Variants in WASL observed in about 807,000 individuals in gnomAD.
WASL encodes actin nucleation-promoting factor WASL.
WASL carries 20 observed loss-of-function variants against 55.5 expected under a neutral mutation model. That is an observed-to-expected ratio of 0.36 (90% confidence interval 0.25 to 0.52). The LOEUF is 0.52. Among genes scored for constraint, WASL ranks in the 20% least tolerant of loss-of-function variants. The pLI, the probability that WASL is intolerant of heterozygous loss-of-function variation, is 0.92. For synonymous variants in WASL, 249 were observed against 217.6 expected, an observed-to-expected ratio of 1.14 and a Z score of -1.27; for missense variants, 504 against 622.5, an observed-to-expected ratio of 0.81 and a Z score of 2.03.
intron 9 of WASL, 152 bp from the exon 10 acceptor site, chr7:123,689,302 C>G: frequency 1.7e-6 from 1 of 583,788 alleles, no homozygotes; most frequent in Non-Finnish European, 3.0e-6. Flanking sequence ...ATCAAATTAA[C>G]AAGAAATAAA....
chr7:123,683,637 T>C lies in WASL; in HGVS notation c.*882A>G, dbSNP rs1251266969. On this transcript the variant is annotated 3_prime_UTR_variant, in exon 11 of 11. Transcript: ENST00000223023. The stretch of plus-strand genomic sequence containing the variant: ...AAAATTCTACAGTATTTTAGTACTA[T>C]TCTGATTTGTATAGTTTTTTTAACC... 6.6e-6 allele frequency: 1 copy of C among 152,076 alleles called. No homozygotes were observed. The highest frequency in any genetic ancestry group is 1.5e-5 in the Non-Finnish European group (1 of 67,958). 9.4% of individuals were successfully genotyped at this position (152,076 alleles called of 1,614,324 possible).
rs1343268417 is a variant in WASL at position 123,692,876 on chromosome 7, C to T, written c.827-9G>A. On this transcript the variant is annotated splice_polypyrimidine_tract_variant and intron_variant, in intron 8 of 10. Coordinates refer to ENST00000223023, the MANE Select transcript of WASL (RefSeq NM_003941.4). The stretch of plus-strand genomic sequence containing the variant: ...TGGTGGAGGTGGTGGTGCTGAAATG[C>T]AAACAGAAAAAAAGAAGGCATGCTT... 1 of 1,344,968 alleles carries T rather than the reference C, an allele frequency of 7.4e-7. No homozygotes were observed. The allele number at this position is 1,344,968 out of a possible 1,614,324, so 83.3% of individuals were successfully genotyped here.
intron 1 of WASL, among the ~76,000 whole-genome samples, chr7:123,732,485 G>A (rs559233548): frequency 5.9e-5 from 9 of 152,200 alleles, no homozygotes; most frequent in East Asian, 3.9e-4. Context: ...GGAAAGACAC[G>A]ATCTATCAAA....
chr7:123,721,680 C>G (rs1473978220), intron 1 of WASL, among the ~76,000 whole-genome samples: 1 of 152,158 alleles, frequency 6.6e-6, no homozygotes, highest in Non-Finnish European at 1.5e-5. Context: ...AATTTCAGCA[C>G]TTTGGGAGGC....
chr7:123,695,246 C>T (rs192719726), intron 7 of WASL, among the ~76,000 whole-genome samples: 99 of 152,234 alleles, frequency 6.5e-4, no homozygotes, highest in Non-Finnish European at 9.3e-4. Context: ...TCCCAAGCAC[C>T]TTGCACAATG....
At chr7:123,700,821 A>G (rs1803577205) in intron 5 of WASL, among the ~76,000 whole-genome samples, 1 of 152,208 alleles carries the variant, frequency 6.6e-6, no homozygotes, top group African/African-American at 2.4e-5. Flanking sequence ...GTCATAATAC[A>G]TTCTTTGTTT....
At chr7:123,696,297 C>A (rs1034746662) in intron 6 of WASL, among the ~76,000 whole-genome samples, 2 of 151,356 alleles carry the variant, frequency 1.3e-5, no homozygotes, top group East Asian at 3.9e-4. Flanking sequence ...AGTGAGAAAT[C>A]ATTTTTATGT....
chr7:123,700,902 C>A (rs1230176643), intron 5 of WASL, among the ~76,000 whole-genome samples: 4 of 152,224 alleles, frequency 2.6e-5, no homozygotes, highest in African/African-American at 9.6e-5. Context: ...TAACAACTTA[C>A]AGAATTTAGA....
intron 5 of WASL, among the ~76,000 whole-genome samples, chr7:123,699,376 C>CA (rs1400312615): frequency 1.3e-5 from 2 of 151,296 alleles, no homozygotes; most frequent in Non-Finnish European, 2.9e-5. Flanking sequence ...GACCCTGTCT[C>CA]AAAAAAGGAA....
intron 1 of WASL, among the ~76,000 whole-genome samples, chr7:123,722,894 G>C (rs1803975680): frequency 6.6e-6 from 1 of 152,132 alleles, no homozygotes; most frequent in Non-Finnish European, 1.5e-5. Flanking sequence ...GGCTAAGAAG[G>C]GAGCCCTGAA....
In WASL at chr7:123,709,213, G is replaced by A; in HGVS notation, c.128C>T (p.Ser43Leu). ...TGCTGCATATAACTGCACCACTGCTGAAGACATAGTCTGCAAAATATAAAA... is the reference window on the plus strand; with the variant it reads ...TGCTGCATATAACTGCACCACTGCTAAAGACATAGTCTGCAAAATATAAAA... The part of the protein sequence containing the change: ...FLGKKCVTMS[S>L]AVVQLYAADR... The change falls in exon 2 of 11, where the codon TCA becomes TTA. Residue 43 changes from serine to leucine, a missense_variant. Physicochemically the swap from Ser to Leu is moderately radical, Grantham distance 145 (BLOSUM62 -2). Coordinates refer to ENST00000223023, the MANE Select transcript of WASL (RefSeq NM_003941.4). 1 of 1,605,052 alleles carries A rather than the reference G, an allele frequency of 6.2e-7. No homozygotes were observed. The highest frequency in any genetic ancestry group is 8.5e-7 in the Non-Finnish European group (1 of 1,175,444).
chr7:123,687,309 T>A (rs894534658), intron 10 of WASL, among the ~76,000 whole-genome samples: 12 of 152,174 alleles, frequency 7.9e-5, no homozygotes, highest in Non-Finnish European at 1.6e-4. Flanking sequence ...TCCCATCATA[T>A]GCAGAATAAA....
At chr7:123,688,811 G>T (rs1270820515) in intron 10 of WASL, among the ~76,000 whole-genome samples, 3 of 152,126 alleles carry the variant, frequency 2.0e-5, no homozygotes, top group Admixed American at 2.0e-4. Flanking sequence ...TTCAATTTAT[G>T]GCTATGGCTG....
At chr7:123,719,582 C>G (rs1311869742) in intron 1 of WASL, among the ~76,000 whole-genome samples, 1 of 152,162 alleles carries the variant, frequency 6.6e-6, no homozygotes, top group Non-Finnish European at 1.5e-5. Flanking sequence ...CTGAGCTCAG[C>G]TATCAGCAGA....
Position 123,717,455 on chromosome 7 carries a change from C to T in WASL, c.118-8232G>A, listed in dbSNP as rs149249056. On this transcript the variant is annotated intron_variant, in intron 1 of 10. Transcript: ENST00000223023. Reference sequence around the variant, plus strand: ...ATCAAGAATGCACTATCTCTGTATCCGCCTAGCTCCTAGCAGTAATTTCCT... The same window carrying T: ...ATCAAGAATGCACTATCTCTGTATCTGCCTAGCTCCTAGCAGTAATTTCCT... 4.1e-3 allele frequency among the ~76,000 whole-genome samples: 620 copies of T among 152,316 alleles called. 3 individuals are homozygous for T. Among genetic ancestry groups the T allele is most frequent in the African/African-American group, 0.014 (582 of 41,572 alleles).
intron 1 of WASL, among the ~76,000 whole-genome samples, chr7:123,719,646 T>C (rs540921268): frequency 5.7e-4 from 87 of 152,324 alleles, no homozygotes; most frequent in African/African-American, 2.0e-3. Flanking sequence ...GTTATCAGTA[T>C]GGCACAAAGC....
At chr7:123,734,591 TAAAAA>T (rs71161498) in intron 1 of WASL, among the ~76,000 whole-genome samples, 8 of 92,360 alleles carry the variant, frequency 8.7e-5, no homozygotes, top group Admixed American at 1.3e-4. Flanking sequence ...ATAGAAAATG[TAAAAA>T]AAAAAAAAAA....
At chr7:123,734,710 T>G (rs1185464022) in intron 1 of WASL, among the ~76,000 whole-genome samples, 3 of 151,940 alleles carry the variant, frequency 2.0e-5, no homozygotes, top group African/African-American at 7.2e-5. Flanking sequence ...TATGACACTG[T>G]AACGGTGGAC....
chr7:123,702,691 G>A (rs193137833), intron 5 of WASL, among the ~76,000 whole-genome samples: 161 of 152,274 alleles, frequency 1.1e-3, no homozygotes, highest in Non-Finnish European at 1.8e-3. Flanking sequence ...AAGACCAAAT[G>A]TACCTAGCAT....
Sources: gnomAD v4.1 joint callset for allele counts (sites outside exome capture counted in the v4.1 genomes callset) on GRCh38, gnomAD v4.1.1 for gene constraint, MANE v1.5 for transcripts, NCBI Gene and HGNC (gene_info 2026-07-23, HGNC 2026-07-21) for gene names.